Variants in ELP3 observed in about 807,000 individuals in gnomAD.
ELP3 encodes elongator acetyltransferase complex subunit 3, also known as elongator complex protein 3.
Under a neutral mutation model 74.9 loss-of-function variants are expected in ELP3, and 56 were observed. The ratio of observed to expected loss-of-function variants is 0.75; its 90% CI spans 0.60 to 0.93. The LOEUF (loss-of-function observed/expected upper bound fraction) is 0.93, where lower values mean the gene tolerates loss of function less well. ELP3 is among the 40% of genes least tolerant of loss of function. The pLI, the probability that ELP3 is intolerant of heterozygous loss-of-function variation, is 0.00. For synonymous variants in ELP3, 222 were observed against 239.8 expected, an observed-to-expected ratio of 0.93 and a Z score of 0.68; for missense variants, 573 against 686.5, an observed-to-expected ratio of 0.83 and a Z score of 1.85.
chr8:28,174,009 C>T (rs1814639654), intron 14 of ELP3, among the ~76,000 whole-genome samples: 1 of 151,928 alleles, frequency 6.6e-6, no homozygotes, highest in Non-Finnish European at 1.5e-5. Context: ...TTTTCCTGAC[C>T]TGACATATGA....
intron 9 of ELP3, among the ~76,000 whole-genome samples, chr8:28,135,163 C>T (rs375221976): frequency 1.9e-4 from 29 of 152,144 alleles, no homozygotes; most frequent in Admixed American, 5.2e-4. Flanking sequence ...CTTCTGACCT[C>T]GTGATCCGCC....
At chr8:28,157,095 C>G (rs926159629) in intron 11 of ELP3, among the ~76,000 whole-genome samples, 2 of 152,162 alleles carry the variant, frequency 1.3e-5, no homozygotes, top group Non-Finnish European at 2.9e-5. Context: ...GCCTGGTTAT[C>G]CCAACAATCT....
In ELP3 at chr8:28,103,316, T is replaced by C. The variant is rs563050435; in HGVS notation, c.258+3350T>C. On this transcript the variant is annotated intron_variant, in intron 3 of 14. Transcript: ENST00000256398. ...TTTCCAGAGTGTCATGTACAGTAAT[T>C]GGAATCATACAGCCTTTCCACTTAG... Among the ~76,000 whole-genome samples the C allele has an allele frequency of 9.2e-5, 14 of 152,364 alleles. 2 individuals are homozygous for C. The South Asian group carries it at 2.9e-3, about 32-fold the overall frequency.
At position 28,101,667 on chromosome 8, in the gene ELP3, G is replaced by A. The variant is rs1302014504; in HGVS notation, c.258+1701G>A. 2.7e-5 allele frequency among the ~76,000 whole-genome samples: 4 copies of A among 150,064 alleles called. No homozygotes were observed. In the Admixed American group the frequency reaches 2.7e-4, roughly 10 times the overall value. ...TACAGTGGTACGATCTTGGCTCACTGCAACTTCTGCCTCCCAGGTTCAAGC... is the reference window on the plus strand; with the variant it reads ...TACAGTGGTACGATCTTGGCTCACTACAACTTCTGCCTCCCAGGTTCAAGC... On this transcript the variant is annotated intron_variant, in intron 3 of 14. Transcript: ENST00000256398.
chr8:28,136,107 G>A (rs118163263), intron 9 of ELP3, among the ~76,000 whole-genome samples: 1,557 of 151,916 alleles, frequency 0.01, 9 homozygotes, highest in South Asian at 0.022. Context: ...GATTACAGAC[G>A]CGCACCACCA....
chr8:28,173,302 G>T (rs1814606097), intron 14 of ELP3, among the ~76,000 whole-genome samples: 1 of 151,828 alleles, frequency 6.6e-6, no homozygotes, highest in African/African-American at 2.4e-5. Context: ...TCAGTTTCTT[G>T]TTATGTATTT....
At chr8:28,156,420 T>C (rs1813830542) in intron 11 of ELP3, among the ~76,000 whole-genome samples, 1 of 152,230 alleles carries the variant, frequency 6.6e-6, no homozygotes, top group African/African-American at 2.4e-5. Flanking sequence ...CCAAAACTGC[T>C]ATTGCCCCAC....
intron 11 of ELP3, among the ~76,000 whole-genome samples, chr8:28,156,516 G>C (rs762195038): frequency 5.9e-5 from 9 of 152,058 alleles, no homozygotes; most frequent in Non-Finnish European, 1.0e-4. Flanking sequence ...TGCTGGCCCA[G>C]GATATACAAA....
At chr8:28,125,873 G>C (rs183027041) in intron 7 of ELP3, among the ~76,000 whole-genome samples, 1 of 147,862 alleles carries the variant, frequency 6.8e-6, no homozygotes, top group Non-Finnish European at 1.5e-5. Context: ...CTGGCCTACT[G>C]CTAGGCACCT....
upstream of ELP3, among the ~76,000 whole-genome samples, chr8:28,090,826 T>C (rs936425647): frequency 6.6e-6 from 1 of 151,844 alleles, no homozygotes; most frequent in East Asian, 1.9e-4. Context: ...AGACACAGAG[T>C]TGTGGAGACT....
intron 1 of ELP3, among the ~76,000 whole-genome samples, chr8:28,095,643 A>G (rs1811222532): frequency 6.6e-6 from 1 of 152,226 alleles, no homozygotes; most frequent in Non-Finnish European, 1.5e-5. Flanking sequence ...GCAGTGTGTT[A>G]CAGTGAAAAA....
rs571133630 is a variant in ELP3 at position 28,104,257 on chromosome 8, A to G, written c.259-2456A>G. ...ATATCTTAGCTGGAAGTGGTTTATC[A>G]GGTACCAATTATGCAGATATTTTCT... On this transcript the variant is annotated intron_variant, in intron 3 of 14. Coordinates refer to ENST00000256398, the MANE Select transcript of ELP3 (RefSeq NM_018091.6). Among the ~76,000 whole-genome samples, 4 of 152,316 alleles carry G rather than the reference A, an allele frequency of 2.6e-5. No homozygotes were observed. In the South Asian group the frequency reaches 8.3e-4, roughly 32 times the overall value.
In ELP3 at chr8:28,125,759, CTTTTTTT is replaced by C. The variant is rs755484214; in HGVS notation, c.618-3726_618-3720del. ...AGCTTTTTGTTCTGTAGTCATTTCT[CTTTTTTT>C]TTTTTTTTTTTTTTTTCTGTATGTC... On this transcript the variant is annotated intron_variant, in intron 7 of 14. Transcript: ENST00000256398. 1.5e-3 allele frequency among the ~76,000 whole-genome samples: 142 copies of C among 92,202 alleles called. 1 individual carries two copies. The highest frequency in any genetic ancestry group is 4.6e-3 in the African/African-American group (105 of 22,722). The allele number at this position is 92,202 out of a possible 152,430, so 60.5% of individuals were successfully genotyped here.
chr8:28,158,300 T>A (rs1250455029), intron 11 of ELP3, among the ~76,000 whole-genome samples: 2 of 152,156 alleles, frequency 1.3e-5, no homozygotes, highest in African/African-American at 4.8e-5. Context: ...TATATATTGA[T>A]CTTTTTCGAA....
intron 14 of ELP3, among the ~76,000 whole-genome samples, chr8:28,177,342 A>G (rs1814799525): frequency 2.0e-5 from 3 of 152,234 alleles, no homozygotes; most frequent in Non-Finnish European, 2.9e-5. Context: ...ATCAGTGTAC[A>G]TTGTTGAAGA....
At chr8:28,150,739 G>A (rs1191180712) in intron 10 of ELP3, among the ~76,000 whole-genome samples, 1 of 152,086 alleles carries the variant, frequency 6.6e-6, no homozygotes, top group African/African-American at 2.4e-5. Context: ...GAGCTTCCTG[G>A]ATCTGTGGTT....
Position 28,132,369 on chromosome 8 carries a change from A to C in ELP3, c.871A>C (p.Asn291His), listed in dbSNP as rs1459593366. The C allele has an allele frequency of 1.9e-6, 3 of 1,614,166 alleles. No homozygotes were observed. The South Asian group carries it at 3.3e-5, about 18-fold the overall frequency. ...GGCCCATATGATGCCTGACCTGCCA[A>C]ACGTGGGACTAGAAAGAGACATTGA... Reference protein sequence around the residue: ...VVAHMMPDLPNVGLERDIEQF... With the variant: ...VVAHMMPDLPHVGLERDIEQF... The change falls in exon 9 of 15, where the codon AAC (asparagine) becomes CAC (histidine). Residue 291 changes from asparagine (N) to histidine (H), a missense_variant. Physicochemically the swap from Asn to His is moderately conservative, Grantham distance 68. Coordinates refer to ENST00000256398, the MANE Select transcript of ELP3 (RefSeq NM_018091.6).
Position 28,108,604 on chromosome 8 carries a change from GCAC to G in ELP3, c.393+635_393+637del, listed in dbSNP as rs1018505457. 2.4e-3 allele frequency among the ~76,000 whole-genome samples: 364 copies of G among 151,958 alleles called. 1 individual carries two copies. Among genetic ancestry groups the G allele is most frequent in the African/African-American group, 8.4e-3 (348 of 41,448 alleles). On this transcript the variant is annotated intron_variant, in intron 5 of 14. Coordinates refer to ENST00000256398, the MANE Select transcript of ELP3 (RefSeq NM_018091.6). ...CCCGAGTAGCTGGGACTACAGGCAA[GCAC>G]CACCACGCCCAGCTAATTTTTGTAT...
chr8:28,094,486 A>G (rs1243188222), intron 1 of ELP3, among the ~76,000 whole-genome samples: 2 of 152,224 alleles, frequency 1.3e-5, no homozygotes, highest in East Asian at 3.8e-4. Flanking sequence ...TGGGAGGCCA[A>G]GGCGGGTGGA....
Sources: allele counts gnomAD v4.1 joint callset (sites outside exome capture counted in the v4.1 genomes callset), GRCh38; gene constraint gnomAD v4.1.1; transcripts MANE v1.5; gene names NCBI Gene and HGNC (gene_info 2026-07-23, HGNC 2026-07-21).